The following DACH2 variants were observed in gnomAD, a reference collection of about 807,000 sequenced individuals.
The protein encoded by DACH2 is dachshund family transcription factor 2, also known as dachshund homolog 2.
A neutral mutation model predicts 35.8 loss-of-function variants in DACH2; 17 were observed. That is an observed-to-expected ratio of 0.48 (90% confidence interval 0.33 to 0.71). DACH2 has a LOEUF of 0.71. DACH2 is among the 30% of genes least tolerant of loss of function. The pLI is 0.02. For missense variants in DACH2, 469 were observed against 472.7 expected, an observed-to-expected ratio of 0.99 and a Z score of 0.07; for synonymous variants, 195 against 177.3, an observed-to-expected ratio of 1.10 and a Z score of -0.79.
chrX:86,429,722 C>A (rs777191299), intron 2 of DACH2, among the ~76,000 whole-genome samples: 1 of 109,659 alleles, frequency 9.1e-6, no homozygotes, highest in African/African-American at 3.3e-5. Flanking sequence ...ACCAGGACAC[C>A]CAGCTAGTTT....
At chrX:86,462,702 G>A (rs1057320447) in intron 2 of DACH2, among the ~76,000 whole-genome samples, 6 of 111,221 alleles carry the variant, frequency 5.4e-5, no homozygotes, top group Admixed American at 9.6e-5. Context: ...GCTTGGTAAT[G>A]GTACAACAAA....
chrX:86,254,781 A>ATAT (rs1556004270), intron 1 of DACH2, among the ~76,000 whole-genome samples: 1,178 of 22,526 alleles, frequency 0.052, 79 homozygotes, highest in Admixed American at 0.14. Flanking sequence ...CAAATAAATA[A>ATAT]ATATATATAT....
At chrX:86,160,357 C>A (rs1413160183) in intron 1 of DACH2, 3 of 843,709 alleles carry the variant, frequency 3.6e-6, no homozygotes, top group Non-Finnish European at 5.3e-6. Context: ...CAAAGTGACC[C>A]AGAGGAGGAT....
chrX:86,791,073 G>T (rs2042182749), intron 7 of DACH2, among the ~76,000 whole-genome samples: 2 of 111,250 alleles, frequency 1.8e-5, no homozygotes, highest in African/African-American at 3.3e-5. Context: ...AATCATAAAG[G>T]TCTTCAACCT....
intron 3 of DACH2, among the ~76,000 whole-genome samples, chrX:86,606,477 T>A (rs1166428173): frequency 8.9e-6 from 1 of 111,843 alleles, no homozygotes; most frequent in Non-Finnish European, 1.9e-5. Context: ...TTGTTTACTT[T>A]CCATGTATTT....
chrX:86,416,300 C>T (rs1286941314), intron 2 of DACH2, among the ~76,000 whole-genome samples: 6 of 111,995 alleles, frequency 5.4e-5, no homozygotes, highest in Admixed American at 9.5e-5. Flanking sequence ...ATACAATGGA[C>T]TCTCACAGTG....
chrX:86,375,360 TA>T (rs139290733), intron 1 of DACH2, among the ~76,000 whole-genome samples: 1,415 of 100,878 alleles, frequency 0.014, 14 homozygotes, highest in Non-Finnish European at 0.023. Flanking sequence ...TAATTATATA[TA>T]ATACATATAT....
chrX:86,211,090 C>T (rs756535088), intron 1 of DACH2, among the ~76,000 whole-genome samples: 3 of 111,343 alleles, frequency 2.7e-5, no homozygotes, highest in Non-Finnish European at 3.8e-5. Context: ...AGGGTTTGTT[C>T]TGTTATTGAT....
intron 3 of DACH2, among the ~76,000 whole-genome samples, chrX:86,617,882 T>C (rs753820776): frequency 1.8e-5 from 2 of 112,568 alleles, no homozygotes; most frequent in East Asian, 5.6e-4. Context: ...GAATAAGCTA[T>C]TTAATGTTTC....
At chrX:86,627,080 A>T (rs2040146889) in intron 3 of DACH2, among the ~76,000 whole-genome samples, 1 of 112,436 alleles carries the variant, frequency 8.9e-6, no homozygotes, top group Admixed American at 9.4e-5. Context: ...TCTTTTGAAC[A>T]TAAGTTCCAA....
intron 7 of DACH2, among the ~76,000 whole-genome samples, chrX:86,800,054 G>A (rs2042277072): frequency 8.9e-6 from 1 of 112,077 alleles, no homozygotes; most frequent in Admixed American, 9.5e-5. Flanking sequence ...CAGACTCATA[G>A]GAAATAAGTT....
At chrX:86,216,594 A>T (rs989352210) in intron 1 of DACH2, among the ~76,000 whole-genome samples, 1 of 111,797 alleles carries the variant, frequency 8.9e-6, no homozygotes, top group Non-Finnish European at 1.9e-5. Context: ...AGGAAATATC[A>T]ATATAAATAA....
At chrX:86,537,646 C>G (rs950201325) in intron 3 of DACH2, among the ~76,000 whole-genome samples, 1 of 111,762 alleles carries the variant, frequency 8.9e-6, no homozygotes, top group Non-Finnish European at 1.9e-5. Flanking sequence ...CACACAGCAA[C>G]CTGAATTCTT....
At chrX:86,267,917 T>C (rs184593346) in intron 1 of DACH2, among the ~76,000 whole-genome samples, 10 of 112,148 alleles carry the variant, frequency 8.9e-5, no homozygotes, top group African/African-American at 3.2e-4. Flanking sequence ...CTTACATAAA[T>C]GGCATAAACA....
At chrX:86,355,095 C>T (rs1316891257) in intron 1 of DACH2, among the ~76,000 whole-genome samples, 2 of 111,331 alleles carry the variant, frequency 1.8e-5, no homozygotes, top group African/African-American at 6.5e-5. Context: ...TCTATTGTTC[C>T]CTTTTTTCTG....
chrX:86,771,593 A>G (rs2041988278), intron 7 of DACH2, among the ~76,000 whole-genome samples: 2 of 111,998 alleles, frequency 1.8e-5, no homozygotes, highest in African/African-American at 6.5e-5. Context: ...CTAGATTGCT[A>G]TTTGATTGAC....
chrX:86,149,290 G>A (rs1003528454), intron 1 of DACH2, among the ~76,000 whole-genome samples, 182 bp downstream of exon 1: 2 of 111,856 alleles, frequency 1.8e-5, no homozygotes, highest in Non-Finnish European at 3.8e-5. Flanking sequence ...GTGCCTTCTA[G>A]TCCACGCTCA....
intron 1 of DACH2, among the ~76,000 whole-genome samples, chrX:86,199,066 C>T (rs1368862206): frequency 9.0e-6 from 1 of 110,857 alleles, no homozygotes; most frequent in Non-Finnish European, 1.9e-5. Context: ...GCTTACCCAC[C>T]ATGATCAAGT....
chrX:86,252,594 T>A (rs929008740), intron 1 of DACH2, among the ~76,000 whole-genome samples: 1 of 111,493 alleles, frequency 9.0e-6, no homozygotes, highest in Non-Finnish European at 1.9e-5. Flanking sequence ...ATTTGTTGAA[T>A]AGGGTGTCCT....
Sources: allele counts gnomAD v4.1 joint callset (sites outside exome capture counted in the v4.1 genomes callset), GRCh38; gene constraint gnomAD v4.1.1; transcripts MANE v1.5; gene names NCBI Gene and HGNC (gene_info 2026-07-23, HGNC 2026-07-21).